NOSIP: variants seen among roughly 807,000 people sequenced by gnomAD.
NOSIP encodes the protein nitric oxide synthase-interacting protein.
NOSIP carries 25 observed loss-of-function variants against 36.4 expected under a neutral mutation model. The observed-to-expected ratio is 0.69, with a 90% confidence interval of 0.50 to 0.96. NOSIP has a LOEUF of 0.96. NOSIP is among the 40% of genes least tolerant of loss of function. NOSIP has a pLI of 0.00. For missense variants in NOSIP, 370 were observed against 429.0 expected, an observed-to-expected ratio of 0.86 and a Z score of 1.21; for synonymous variants, 187 against 179.2, an observed-to-expected ratio of 1.04 and a Z score of -0.35.
intron 1 of NOSIP, among the ~76,000 whole-genome samples, chr19:49,572,412 T>A (rs1239211741): frequency 7.0e-6 from 1 of 143,624 alleles, no homozygotes; most frequent in Non-Finnish European, 1.5e-5. Flanking sequence ...CAGCCTTTTT[T>A]TTTTTTTTTT....
chr19:49,557,281 C>T (rs1251655896), intron 4 of NOSIP, 32 bp from the exon 5 acceptor site: 2 of 1,546,216 alleles, frequency 1.3e-6, no homozygotes, highest in Admixed American at 1.9e-5. Flanking sequence ...GAGCATCTGC[C>T]CGTGGGGCTG....
chr19:49,576,042 G>A (rs1329962397), intron 1 of NOSIP, among the ~76,000 whole-genome samples: 2 of 152,112 alleles, frequency 1.3e-5, no homozygotes, highest in Non-Finnish European at 2.9e-5. Context: ...AGCTGAGGCA[G>A]GAGAATGGCA....
intron 1 of NOSIP, among the ~76,000 whole-genome samples, chr19:49,575,027 T>C (rs901274010): frequency 6.6e-6 from 1 of 152,046 alleles, no homozygotes; most frequent in African/African-American, 2.4e-5. Context: ...CATGCCCGGC[T>C]AATTTTTTTG....
At chr19:49,557,346 C>A in intron 4 of NOSIP, 97 bp from the exon 5 acceptor site, 4 of 1,470,504 alleles carry the variant, frequency 2.7e-6, no homozygotes, top group Non-Finnish European at 3.6e-6. Context: ...CAAAGGGGAC[C>A]CTCTGATGGA....
chr19:49,556,988 C>T lies in NOSIP; in HGVS notation c.424G>A (p.Val142Ile), dbSNP rs755108331. Reference sequence around the variant, plus strand: ...GGACCCACACTGGGCCCAGGTTGGACATCATCTGTGGGGGAAGGAAGGGAC... The same window carrying T: ...GGACCCACACTGGGCCCAGGTTGGATATCATCTGTGGGGGAAGGAAGGGAC... ...KALSGTSPDD[V>I]QPGPSVGPPS... Residue 142 changes from valine to isoleucine, a missense_variant, in exon 6 of 9, where the codon GTC becomes ATC. Transcript: ENST00000596358. The T allele has an allele frequency of 6.2e-7, 1 of 1,607,598 alleles. No homozygotes were observed. The highest frequency in any genetic ancestry group is 1.1e-5 in the South Asian group (1 of 90,218).
At chr19:49,557,420 T>C (rs1568722620) in intron 4 of NOSIP, 171 bp from the exon 5 acceptor site, 26 of 1,427,642 alleles carry the variant, frequency 1.8e-5, no homozygotes, top group Non-Finnish European at 2.4e-5. Flanking sequence ...CTGCGTTGTA[T>C]AGCCAGACTG....
In NOSIP at chr19:49,560,058, A is replaced by G. The variant is rs1410280873; in HGVS notation, c.71-19T>C. The G allele has an allele frequency of 6.5e-7, 1 of 1,548,630 alleles. No homozygotes were observed. On this transcript the variant is annotated intron_variant, in intron 2 of 8. Coordinates refer to ENST00000596358, the MANE Select transcript of NOSIP (RefSeq NM_001270960.2). This position sits in a 1 kb window ranked among gnomAD's most constrained non-coding sequence, Gnocchi z 4.6. ...GAGGCCGCTGGGGACAGAGATGGGC[A>G]GAGTGATGGAGGGGCGGAGCAACAG...
At chr19:49,564,478 A>T (rs914213645) in intron 1 of NOSIP, among the ~76,000 whole-genome samples, 2 of 148,760 alleles carry the variant, frequency 1.3e-5, no homozygotes, top group South Asian at 2.1e-4. Context: ...AAAAAAAAAC[A>T]AAATAAAACT....
intron 4 of NOSIP, chr19:49,558,210 G>GA (rs11442470): frequency 0.1 from 15,508 of 149,104 alleles, 2,172 homozygotes; most frequent in African/African-American, 0.31. Context: ...CTGAGGCCCA[G>GA]AAAAAATGAG....
At position 49,568,092 on chromosome 19, in the gene NOSIP, G is replaced by A. The variant is rs143501055; in HGVS notation, c.-1-7400C>T. On this transcript the variant is annotated intron_variant, in intron 1 of 8. Coordinates refer to ENST00000596358, the MANE Select transcript of NOSIP (RefSeq NM_001270960.2). ...AACCACAAGGCTTACAGAGAAAACAGGATTGTGTCACAATCCTCGTAAACT... is the reference window on the plus strand; with the variant it reads ...AACCACAAGGCTTACAGAGAAAACAAGATTGTGTCACAATCCTCGTAAACT... 8.0e-3 allele frequency among the ~76,000 whole-genome samples: 1,218 copies of A among 152,202 alleles called. 11 individuals are homozygous for A. Among genetic ancestry groups the A allele is most frequent in the Non-Finnish European group, 0.011 (758 of 68,020 alleles).
At chr19:49,570,673 C>T (rs1204731393) in intron 1 of NOSIP, among the ~76,000 whole-genome samples, 1 of 152,096 alleles carries the variant, frequency 6.6e-6, no homozygotes, top group Non-Finnish European at 1.5e-5. Context: ...CCCCCTGACC[C>T]CCAAGCTTCT....
chr19:49,556,602 G>A lies in NOSIP; in HGVS notation c.672C>T (p.Ala224=), dbSNP rs147853428. The A allele has an allele frequency of 1.5e-3, 2,356 of 1,607,094 alleles. 3 individuals carry two copies. Among genetic ancestry groups the A allele is most frequent in the Non-Finnish European group, 1.8e-3 (2,133 of 1,179,634 alleles). The part of the protein sequence containing the change: ...LITRSERYVC[A]VTRDSLSNAT... Reference sequence around the variant, plus strand: ...CGTTGCTCAGGCTGTCGCGGGTCACGGCACACACGTAGCGCTCGCTGCGGG... The same window carrying A: ...CGTTGCTCAGGCTGTCGCGGGTCACAGCACACACGTAGCGCTCGCTGCGGG... Residue 224 remains alanine (A), a synonymous_variant, in exon 7 of 9, where the codon GCC becomes GCT. Coordinates refer to ENST00000596358, the MANE Select transcript of NOSIP (RefSeq NM_001270960.2).
At chr19:49,579,338 G>A (rs1179970848) in intron 1 of NOSIP, 1 of 152,146 alleles carries the variant, frequency 6.6e-6, no homozygotes, top group African/African-American at 2.4e-5. Flanking sequence ...TTGAGCTCCT[G>A]CACTAGGTTC....
Position 49,570,492 on chromosome 19 carries a change from C to T in NOSIP, c.-1-9800G>A, listed in dbSNP as rs555735689. Among the ~76,000 whole-genome samples, 34 of 152,262 alleles carry T rather than the reference C, an allele frequency of 2.2e-4. 1 individual carries two copies. The South Asian group carries it at 2.9e-3, about 13-fold the overall frequency. On this transcript the variant is annotated intron_variant, in intron 1 of 8. Transcript: ENST00000596358. ...ACAAATGTATACACCCTTGTGACCA[C>T]GACCCTATGGAGATACAGAACCTTC...
In NOSIP at chr19:49,556,379, C is replaced by T. The variant is rs1201431638; in HGVS notation, c.772G>A (p.Asp258Asn). 5 of 1,613,670 alleles carry T rather than the reference C, an allele frequency of 3.1e-6. No individual in the cohort carries two copies. The highest frequency in any genetic ancestry group is 4.2e-6 in the Non-Finnish European group (5 of 1,179,922). ...LECVEKLIRK[D>N]MVDPVTGDKL... ...TCTCCAGTCACAGGGTCCACCATGT[C>T]CTTCCGAATCAGCTTCTCCACGCAT... Residue 258 changes from aspartate to asparagine, a missense_variant, in exon 8 of 9, where the codon GAC becomes AAC. Coordinates refer to ENST00000596358, the MANE Select transcript of NOSIP (RefSeq NM_001270960.2).
At chr19:49,577,914 T>C (rs1365704255) in intron 1 of NOSIP, among the ~76,000 whole-genome samples, 1 of 152,234 alleles carries the variant, frequency 6.6e-6, no homozygotes, top group African/African-American at 2.4e-5. Context: ...TCCACAGATA[T>C]AGCAGAGTAG....
chr19:49,568,795 AT>A (rs1282699584), intron 1 of NOSIP, among the ~76,000 whole-genome samples: 10,270 of 122,748 alleles, frequency 0.084, 1,551 homozygotes, highest in African/African-American at 0.29. Flanking sequence ...AAAAAAAAAA[AT>A]AGTTTGTTTG....
chr19:49,556,317 C>T lies in NOSIP; in HGVS notation c.834G>A (p.Arg278=). ...LTDRDIIVLQ[R]GGTGFAGSGV... is the part of the protein sequence containing the mutation. ...GGAAGGGGAGGGGTGGGACTCTTAC[C>T]CGCTGCAGCACGATGATGTCGCGGT... is the stretch of plus-strand genomic sequence containing the variant. The change falls in exon 8 of 9, where the codon CGG becomes CGA. Residue 278 remains arginine, a splice_region_variant and synonymous_variant. Coordinates refer to ENST00000596358, the MANE Select transcript of NOSIP (RefSeq NM_001270960.2). The T allele has an allele frequency of 6.2e-7, 1 of 1,608,720 alleles. No homozygotes were observed. The highest frequency in any genetic ancestry group is 8.5e-7 in the Non-Finnish European group (1 of 1,177,244).
At chr19:49,556,527 C>T in intron 7 of NOSIP, 22 bp downstream of exon 7, 3 of 1,604,982 alleles carry the variant, frequency 1.9e-6, no homozygotes, top group Non-Finnish European at 1.7e-6. Context: ...TGGTCCCTTC[C>T]CTCCCCTCCC....
Sources: gnomAD v4.1 joint callset for allele counts (sites outside exome capture counted in the v4.1 genomes callset) on GRCh38, gnomAD v4.1.1 for gene constraint, Gnocchi (gnomAD v3.1) non-coding constraint, MANE v1.5 for transcripts, NCBI Gene and HGNC (gene_info 2026-07-23, HGNC 2026-07-21) for gene names.